Variants in SCN2A observed in about 807,000 individuals in gnomAD.
SCN2A encodes the protein sodium channel protein type 2 subunit alpha.
In SCN2A, 20 loss-of-function variants were observed where a neutral mutation model predicts 188.7. The observed-to-expected ratio is 0.11, with a 90% CI of 0.07 to 0.15. SCN2A has a LOEUF of 0.15. Ranked by LOEUF, SCN2A falls within the 10% of genes least tolerant of loss-of-function variation. The pLI is 1.00. For synonymous variants in SCN2A, 804 were observed against 833.1 expected (o/e 0.97, Z 0.60); for missense variants, 1,278 against 2,445.0 (o/e 0.52, Z 10.07).
intron 3 of SCN2A, among the ~76,000 whole-genome samples, chr2:165,304,668 T>C (rs1287021931): frequency 1.3e-5 from 2 of 152,120 alleles, no homozygotes; most frequent in Non-Finnish European, 2.9e-5. Flanking sequence ...TAGGTCAATC[T>C]GAGTACTAAA....
chr2:165,358,485 A>G (rs1296455951), intron 17 of SCN2A, among the ~76,000 whole-genome samples: 1 of 152,118 alleles, frequency 6.6e-6, no homozygotes, highest in African/African-American at 2.4e-5. Flanking sequence ...GGAGTTGACC[A>G]ACAGTATTTT....
At chr2:165,374,042 T>C (rs748961357) in intron 21 of SCN2A, among the ~76,000 whole-genome samples, 3 of 152,134 alleles carry the variant, frequency 2.0e-5, no homozygotes, top group Non-Finnish European at 4.4e-5. Context: ...TGATACTAGC[T>C]CATATTTTCT....
intron 11 of SCN2A, 67 bp from the exon 12 acceptor site, chr2:165,323,089 T>G (rs1291705152): frequency 7.7e-6 from 11 of 1,425,106 alleles, no homozygotes; most frequent in Non-Finnish European, 9.8e-6. Flanking sequence ...AATCAAATTC[T>G]GTTTTTCAGA....
chr2:165,374,078 TTATC>T lies in SCN2A; in HGVS notation c.3973-604_3973-601del, dbSNP rs1701187149. Among the ~76,000 whole-genome samples the T allele has an allele frequency of 3.9e-5, 6 of 152,122 alleles. No homozygotes were observed. The South Asian group carries it at 1.0e-3, about 26-fold the overall frequency. On this transcript the variant is annotated intron_variant, in intron 21 of 26. Transcript: ENST00000375437. ...AACTAAGAAAATAGTTACTTAGACT[TTATC>T]TAGTGTTACAATCACAACTAGAGAT...
chr2:165,359,874 C>T (rs528578023), intron 17 of SCN2A, among the ~76,000 whole-genome samples: 14 of 151,604 alleles, frequency 9.2e-5, no homozygotes, highest in South Asian at 4.2e-4. Context: ...TTTTGCCATC[C>T]GAAGAAAAAT....
intron 1 of SCN2A, among the ~76,000 whole-genome samples, chr2:165,246,400 A>G (rs1221305347): frequency 6.6e-6 from 1 of 152,030 alleles, no homozygotes; most frequent in Non-Finnish European, 1.5e-5. Flanking sequence ...CCATGGTTTT[A>G]TCTTGAAACT....
intron 17 of SCN2A, among the ~76,000 whole-genome samples, chr2:165,358,774 C>T (rs975606089): frequency 6.6e-6 from 1 of 152,004 alleles, no homozygotes; most frequent in African/African-American, 2.4e-5. Context: ...GATCCACAAA[C>T]TCCTGTATAG....
chr2:165,309,681 C>T (rs1697330531), intron 6 of SCN2A, among the ~76,000 whole-genome samples: 1 of 152,112 alleles, frequency 6.6e-6, no homozygotes, highest in African/African-American at 2.4e-5. Flanking sequence ...TTTGCAGTAA[C>T]AGGCTACATG....
In SCN2A at chr2:165,386,621, G is replaced by A. The variant is rs984893125; in HGVS notation, c.4552-125G>A. The A allele has an allele frequency of 4.1e-6, 4 of 987,352 alleles. No individual in the cohort carries two copies. The East Asian group carries it at 7.9e-5, about 19-fold the overall frequency. The allele number at this position is 987,352 out of a possible 1,614,324, so 61.2% of individuals were successfully genotyped here. A position where few individuals can be genotyped will look rare whatever the true frequency, so the allele number is the denominator to read the frequency against. On this transcript the variant is annotated intron_variant, in intron 25 of 26. Coordinates refer to ENST00000375437, the MANE Select transcript of SCN2A (RefSeq NM_001040142.2). ...CAAGGAATTTTTTTTTTTGTAAAATGTTGTGAGGATTAAAGATGTGTTTTT... is the reference window on the plus strand; with the variant it reads ...CAAGGAATTTTTTTTTTTGTAAAATATTGTGAGGATTAAAGATGTGTTTTT...
chr2:165,309,031 T>G, intron 5 of SCN2A: 1 of 1,116,416 alleles, frequency 9.0e-7, no homozygotes, highest in Non-Finnish European at 1.3e-6. Flanking sequence ...GAGATTATGA[T>G]TGATGACAAT....
At chr2:165,288,946 A>G (rs920346969) in intron 1 of SCN2A, among the ~76,000 whole-genome samples, 2 of 152,154 alleles carry the variant, frequency 1.3e-5, no homozygotes, top group African/African-American at 2.4e-5. Context: ...CAAAGAACCC[A>G]AAAAACTACA....
chr2:165,330,415 AT>A (rs1698614183), intron 13 of SCN2A, among the ~76,000 whole-genome samples: 1 of 152,190 alleles, frequency 6.6e-6, no homozygotes, highest in Admixed American at 6.6e-5. Context: ...CTTTGCCAAT[AT>A]TCACCAAATT....
chr2:165,373,331 G>A lies in SCN2A; in HGVS notation c.3956G>A (p.Arg1319Gln), dbSNP rs121917753. The A allele has an allele frequency of 6.2e-7, 1 of 1,613,198 alleles. No homozygotes were observed. Among genetic ancestry groups the A allele is most frequent in the Non-Finnish European group, 8.5e-7 (1 of 1,179,396 alleles). Residue 1319 changes from arginine (R) to glutamine (Q), a missense_variant, in exon 21 of 27, where the codon CGG becomes CAG. Arg to Gln is a conservative substitution (Grantham distance 43). Around this residue, in one of 17 missense-constraint regions of SCN2A, gnomAD observed 39 missense variants for 130.2 expected, o/e 0.30. Coordinates refer to ENST00000375437, the MANE Select transcript of SCN2A (RefSeq NM_001040142.2). ...CTGAGGCCACTGAGAGCTTTGTCCC[G>A]GTTTGAAGGAATGAGGGTAAGACTG... ...RALRPLRALS[R>Q]FEGMRVVVNA...
chr2:165,321,692 T>A (rs1168462770), intron 11 of SCN2A, among the ~76,000 whole-genome samples: 1 of 152,144 alleles, frequency 6.6e-6, no homozygotes, highest in African/African-American at 2.4e-5. Context: ...CTCATGAGAC[T>A]TATTCACTAC....
At chr2:165,378,388 C>G (rs1289059907) in intron 23 of SCN2A, among the ~76,000 whole-genome samples, 1 of 151,040 alleles carries the variant, frequency 6.6e-6, no homozygotes, top group African/African-American at 2.4e-5. Context: ...GCATGAAAAG[C>G]CCTGCATTGT....
chr2:165,340,441 T>C lies in SCN2A; in HGVS notation c.2389-1855T>C, dbSNP rs575501702. Among the ~76,000 whole-genome samples, 24 of 152,306 alleles carry C rather than the reference T, an allele frequency of 1.6e-4. 1 individual carries two copies. The highest frequency in any genetic ancestry group is 1.5e-3 in the Admixed American group (23 of 15,302). ...CTAGGTAGAGAGAGATTCCATTTAC[T>C]GAGTTAGCAAATATCAGAAGAGAAG... On this transcript the variant is annotated intron_variant, in intron 14 of 26. Transcript: ENST00000375437.
chr2:165,316,080 C>T (rs914716387), intron 11 of SCN2A, among the ~76,000 whole-genome samples: 4 of 152,130 alleles, frequency 2.6e-5, no homozygotes, highest in East Asian at 1.9e-4. Context: ...AACTATTGTG[C>T]GTGGATCTAG....
rs770349641 is a variant in SCN2A at position 165,388,660 on chromosome 2, T to C, written c.4854T>C (p.Tyr1618=). 2 of 1,613,942 alleles carry C rather than the reference T, an allele frequency of 1.2e-6. No individual in the cohort carries two copies. Among genetic ancestry groups the C allele is most frequent in the South Asian group, 2.2e-5 (2 of 91,076 alleles). Residue 1618 remains tyrosine, a synonymous_variant, in exon 27 of 27, where the codon TAT becomes TAC. Coordinates refer to ENST00000375437, the MANE Select transcript of SCN2A (RefSeq NM_001040142.2). ...TTCTGGCTGAACTGATAGAAAAGTA[T>C]TTTGTGTCCCCTACCCTGTTCCGAG... ...GMFLAELIEK[Y]FVSPTLFRVI...
chr2:165,353,208 C>G (rs1426322008), intron 16 of SCN2A, among the ~76,000 whole-genome samples: 2 of 152,044 alleles, frequency 1.3e-5, no homozygotes, highest in African/African-American at 4.8e-5. Flanking sequence ...TCAACAATAA[C>G]ATCATAATTA....
Sources: gnomAD v4.1 joint callset for allele counts (sites outside exome capture counted in the v4.1 genomes callset) on GRCh38, gnomAD v4.1.1 for gene constraint, gnomAD v4.1.1 regional missense constraint, MANE v1.5 for transcripts, NCBI Gene and HGNC (gene_info 2026-07-23, HGNC 2026-07-21) for gene names.